TMEM116: variants seen among roughly 807,000 people sequenced by gnomAD.
TMEM116 encodes the protein transmembrane protein 116.
A neutral mutation model predicts 44.3 loss-of-function variants in TMEM116; 38 were observed. The observed-to-expected ratio is 0.86, with a 90% CI of 0.66 to 1.12. The LOEUF (loss-of-function observed/expected upper bound fraction) is 1.12. TMEM116 is among the 50% of genes most tolerant of loss of function. The pLI, the probability that TMEM116 is intolerant of heterozygous loss-of-function variation, is 0.00. For synonymous variants in TMEM116, 132 were observed against 144.8 expected (o/e 0.91, Z 0.64); for missense variants, 354 against 401.7 (o/e 0.88, Z 1.01).
At position 111,991,595 on chromosome 12, in the gene TMEM116, CTA is replaced by C. The variant is rs990390108; in HGVS notation, c.210+161_210+162del. 9.6e-5 allele frequency: 49 copies of C among 510,510 alleles called. No individual in the cohort carries two copies. The African/African-American group carries it at 9.6e-4, about 10-fold the overall frequency. 31.6% of individuals were successfully genotyped at this position (510,510 alleles called of 1,614,324 possible). On this transcript the variant is annotated intron_variant, in intron 4 of 10. Coordinates refer to ENST00000552374, the MANE Select transcript of TMEM116 (RefSeq NM_001193531.2). ...TGCTTCTCTGAATTTTCAAAATATT[CTA>C]TAATATAGTGTTTTTAATATGAAAA...
intron 4 of TMEM116, among the ~76,000 whole-genome samples, chr12:111,988,720 G>A (rs1292331070): frequency 2.7e-5 from 4 of 150,904 alleles, no homozygotes; most frequent in East Asian, 4.0e-4. Flanking sequence ...GGCCGGGCGC[G>A]GTGGCTCACG....
intron 9 of TMEM116, among the ~76,000 whole-genome samples, 171 bp downstream of exon 9, chr12:111,933,715 C>A (rs1241421877): frequency 6.6e-6 from 1 of 150,618 alleles, no homozygotes; most frequent in Non-Finnish European, 1.5e-5. Context: ...CCAGGATGGT[C>A]TCGATCTCCT....
At chr12:111,985,125 TG>T (rs1271045073) in intron 4 of TMEM116, among the ~76,000 whole-genome samples, 1 of 152,166 alleles carries the variant, frequency 6.6e-6, no homozygotes, top group Non-Finnish European at 1.5e-5. Context: ...TGAGGATGCC[TG>T]CTTTTACCAC....
chr12:112,003,793 C>A lies in TMEM116; in HGVS notation c.78+7G>T. 6.6e-7 allele frequency: 1 copy of A among 1,511,488 alleles called. No individual in the cohort carries two copies. The highest frequency in any genetic ancestry group is 1.3e-5 in the South Asian group (1 of 78,166). The allele number at this position is 1,511,488 out of a possible 1,614,324, so 93.6% of individuals were successfully genotyped here. A position where few individuals can be genotyped will look rare whatever the true frequency, so the allele number is the denominator to read the frequency against. ...GTTCAAATCCAACACAAAGAGAAAT[C>A]ACTCACCTCTGGAGATTTCTGTATA... On this transcript the variant is annotated splice_region_variant and intron_variant, in intron 3 of 10. Coordinates refer to ENST00000552374, the MANE Select transcript of TMEM116 (RefSeq NM_001193531.2).
At chr12:111,991,923 G>A in intron 3 of TMEM116, 34 bp from the exon 4 acceptor site, 1 of 1,524,916 alleles carries the variant, frequency 6.6e-7, no homozygotes. Flanking sequence ...TTTCATATGT[G>A]ATGTAGCTAG....
chr12:111,994,422 T>C (rs1481232439), intron 3 of TMEM116, among the ~76,000 whole-genome samples: 1 of 151,966 alleles, frequency 6.6e-6, no homozygotes. Context: ...ACACACAAAA[T>C]AGTGAAAGCT....
chr12:111,933,662 T>C (rs1189157281), intron 9 of TMEM116, among the ~76,000 whole-genome samples: 2 of 151,146 alleles, frequency 1.3e-5, no homozygotes, highest in East Asian at 3.9e-4. Flanking sequence ...CTAATTTTTT[T>C]TTTTTTTGTA....
chr12:111,991,239 A>C (rs1005896502), intron 4 of TMEM116, among the ~76,000 whole-genome samples: 5 of 131,340 alleles, frequency 3.8e-5, no homozygotes, highest in Admixed American at 8.0e-5. Context: ...AAAAAAAAAA[A>C]CGGCTGGGTG....
At chr12:111,998,787 C>T (rs1319459911) in intron 3 of TMEM116, among the ~76,000 whole-genome samples, 1 of 152,050 alleles carries the variant, frequency 6.6e-6, no homozygotes, top group African/African-American at 2.4e-5. Flanking sequence ...CACCACTGCA[C>T]TCCAGCCTGA....
chr12:111,935,642 G>T (rs994772837), intron 8 of TMEM116: 4 of 153,202 alleles, frequency 2.6e-5, no homozygotes, highest in Non-Finnish European at 5.7e-5. Context: ...GTGTGTGTGT[G>T]TGTGTGTGTG....
chr12:112,005,653 G>C, intron 1 of TMEM116: 3 of 976,074 alleles, frequency 3.1e-6, no homozygotes, highest in Non-Finnish European at 3.7e-6. Flanking sequence ...CTTGAGGCCA[G>C]GAGTTTAAGA....
At chr12:112,002,491 G>A (rs1490031992) in intron 3 of TMEM116, among the ~76,000 whole-genome samples, 2 of 151,250 alleles carry the variant, frequency 1.3e-5, no homozygotes, top group Non-Finnish European at 2.9e-5. Flanking sequence ...CTTGAACCTG[G>A]GCGGCAGACA....
At chr12:111,932,894 G>A (rs1179445631) in intron 9 of TMEM116, among the ~76,000 whole-genome samples, 1 of 152,112 alleles carries the variant, frequency 6.6e-6, no homozygotes, top group Non-Finnish European at 1.5e-5. Flanking sequence ...CTACAGGAAG[G>A]TAATAATTTA....
intron 4 of TMEM116, among the ~76,000 whole-genome samples, chr12:111,989,954 T>C (rs1450406652): frequency 6.6e-6 from 1 of 152,016 alleles, no homozygotes; most frequent in Non-Finnish European, 1.5e-5. Context: ...TCAATAAAGT[T>C]GTAAAAAAAT....
At chr12:111,934,174 C>G in intron 8 of TMEM116, 144 bp from the exon 9 acceptor site, 1 of 1,027,302 alleles carries the variant, frequency 9.7e-7, no homozygotes, top group Non-Finnish European at 1.4e-6. Context: ...TTTCTGAGAT[C>G]AGGCTTTTTT....
intron 3 of TMEM116, chr12:112,000,751 A>G (rs1217962261): frequency 5.6e-6 from 3 of 538,020 alleles, no homozygotes; most frequent in African/African-American, 1.9e-5. Flanking sequence ...CCAAATAATA[A>G]AAGTAACACA....
chr12:112,002,696 C>T (rs1293890801), intron 3 of TMEM116, among the ~76,000 whole-genome samples: 1 of 152,138 alleles, frequency 6.6e-6, no homozygotes, highest in East Asian at 1.9e-4. Flanking sequence ...AATACTATCC[C>T]TCTTATAGAT....
At chr12:112,009,607 G>A (rs576555759) in intron 1 of TMEM116, among the ~76,000 whole-genome samples, 1 of 151,620 alleles carries the variant, frequency 6.6e-6, no homozygotes, top group Admixed American at 6.6e-5. Flanking sequence ...GGAGGCCAAG[G>A]CAGGTGGATC....
intron 4 of TMEM116, among the ~76,000 whole-genome samples, chr12:111,988,368 C>T (rs1230145255): frequency 2.0e-5 from 3 of 152,104 alleles, no homozygotes; most frequent in Admixed American, 6.6e-5. Flanking sequence ...GTAAATTTTA[C>T]GTTATGTATA....
Sources: gnomAD v4.1 joint callset for allele counts (sites outside exome capture counted in the v4.1 genomes callset) on GRCh38, gnomAD v4.1.1 for gene constraint, MANE v1.5 for transcripts, NCBI Gene and HGNC (gene_info 2026-07-23, HGNC 2026-07-21) for gene names.